Variants in MYLK4 observed in about 807,000 individuals in gnomAD.
MYLK4 encodes caMLCK like.
A neutral mutation model predicts 48.1 loss-of-function variants in MYLK4; 46 were observed. The observed-to-expected ratio is 0.96, with a 90% CI of 0.75 to 1.22. The LOEUF (loss-of-function observed/expected upper bound fraction) is 1.22, where lower values mean the gene tolerates loss of function less well. Among genes scored for constraint, MYLK4 ranks in the 50% most tolerant of loss-of-function variants. The pLI is 0.00. For missense variants in MYLK4, 451 were observed against 486.1 expected (o/e 0.93, Z 0.68); for synonymous variants, 170 against 180.8 (o/e 0.94, Z 0.48).
At chr6:2,675,617 G>A (rs1378361551) in intron 10 of MYLK4, among the ~76,000 whole-genome samples, 1 of 152,072 alleles carries the variant, frequency 6.6e-6, no homozygotes, top group East Asian at 1.9e-4. Context: ...TAATTATTAA[G>A]AGAGGGACCA....
chr6:2,679,478 G>C (rs761608423), intron 8 of MYLK4, 70 bp from the exon 9 acceptor site: 72 of 1,574,900 alleles, frequency 4.6e-5, no homozygotes, highest in Non-Finnish European at 6.0e-5. Context: ...AAATGATGTA[G>C]TCTATGAGAC....
chr6:2,768,880 C>T, the MYLK4 span: 1 of 1,607,500 alleles, frequency 6.2e-7, no homozygotes. Flanking sequence ...TAAATCTCAG[C>T]AGGTATATTA....
chr6:2,762,628 C>T, the MYLK4 span, among the ~76,000 whole-genome samples: 55 of 152,252 alleles, frequency 3.6e-4, no homozygotes, highest in Non-Finnish European at 7.6e-4. Context: ...CTGTGATGCT[C>T]CTGCAATAAT....
At chr6:2,765,604 G>C in the MYLK4 span, 2 of 1,498,474 alleles carry the variant, frequency 1.3e-6, no homozygotes, top group Non-Finnish European at 1.8e-6. Context: ...GCCGGGCGCC[G>C]GGGAGGGCGG....
chr6:2,765,602 CCGGGGAGGGCGG>C, the MYLK4 span: 39 of 1,493,506 alleles, frequency 2.6e-5, no homozygotes, highest in Admixed American at 2.8e-4. Flanking sequence ...GCGCCGGGCG[CCGGGGAGGGCGG>C]CGGCCGCCAT....
chr6:2,675,225 T>C (rs917756683), intron 10 of MYLK4, 100 bp from the exon 11 acceptor site: 1 of 813,522 alleles, frequency 1.2e-6, no homozygotes, highest in Non-Finnish European at 2.1e-6. Context: ...GGAGACCAGA[T>C]GGCCGAATGT....
At chr6:2,729,547 C>G (rs1241200551) in intron 2 of MYLK4, among the ~76,000 whole-genome samples, 1 of 152,158 alleles carries the variant, frequency 6.6e-6, no homozygotes. Flanking sequence ...TATTTTTTCC[C>G]TTAGTTCCCC....
the MYLK4 span, among the ~76,000 whole-genome samples, chr6:2,762,296 G>C: frequency 1.3e-5 from 2 of 152,348 alleles, no homozygotes; most frequent in South Asian, 2.1e-4. Flanking sequence ...CGTAAAATTA[G>C]GTCTATATGC....
the MYLK4 span, chr6:2,765,360 C>G: frequency 3.4e-6 from 1 of 293,628 alleles, no homozygotes; most frequent in African/African-American, 2.2e-5. Flanking sequence ...CCGCGCGAGG[C>G]GCCTCCGCCG....
intron 7 of MYLK4, among the ~76,000 whole-genome samples, chr6:2,681,141 C>A (rs1016073359): frequency 2.0e-5 from 3 of 152,188 alleles, no homozygotes; most frequent in Non-Finnish European, 2.9e-5. Flanking sequence ...ACCCTCAGTC[C>A]CAATTCTTTA....
chr6:2,682,873 A>G lies in MYLK4; in HGVS notation c.687+148T>C, dbSNP rs1761364241. Reference sequence around the variant, plus strand: ...ATATTAGGGAGTGACAGAAGCTGAGAATAAGGAGATGAGGGTAACAATTCA... The same window carrying G: ...ATATTAGGGAGTGACAGAAGCTGAGGATAAGGAGATGAGGGTAACAATTCA... On this transcript the variant is annotated intron_variant, in intron 7 of 12. Transcript: ENST00000274643. 5 of 819,732 alleles carry G rather than the reference A, an allele frequency of 6.1e-6. No homozygotes were observed. The East Asian group carries it at 1.3e-4, about 21-fold the overall frequency. 50.8% of individuals were successfully genotyped at this position (819,732 alleles called of 1,614,324 possible). A position where few individuals can be genotyped will look rare whatever the true frequency, so the allele number is the denominator to read the frequency against.
At chr6:2,713,382 A>G (rs1292770677) in intron 2 of MYLK4, among the ~76,000 whole-genome samples, 1 of 44,390 alleles carries the variant, frequency 2.3e-5, no homozygotes, top group African/African-American at 7.5e-5. Context: ...CTCAAAAAAA[A>G]AAAAAGAAAA....
the MYLK4 span, chr6:2,766,509 G>T: frequency 4.4e-5 from 64 of 1,440,008 alleles, no homozygotes; most frequent in Non-Finnish European, 5.8e-5. Context: ...CTGATGGTCG[G>T]AGAGCCGGGT....
the MYLK4 span, among the ~76,000 whole-genome samples, chr6:2,760,847 A>C: frequency 6.6e-6 from 1 of 152,206 alleles, no homozygotes; most frequent in East Asian, 1.9e-4. Context: ...AACAATACGA[A>C]ATGTGGCATA....
At chr6:2,669,144 TC>T (rs1760781001) in intron 12 of MYLK4, among the ~76,000 whole-genome samples, 1 of 152,174 alleles carries the variant, frequency 6.6e-6, no homozygotes, top group African/African-American at 2.4e-5. Flanking sequence ...AAATGATTCT[TC>T]CTTGGCCTGT....
the MYLK4 span, chr6:2,766,188 G>T: frequency 7.2e-7 from 1 of 1,388,814 alleles, no homozygotes. Flanking sequence ...CCGGGGCACT[G>T]GGACGCGGAC....
At chr6:2,692,656 AT>A in intron 3 of MYLK4, 127 bp downstream of exon 3, 10 of 468,884 alleles carry the variant, frequency 2.1e-5, no homozygotes, top group East Asian at 6.4e-5. Context: ...GGGGGGGGGC[AT>A]TTTTTTATAA....
chr6:2,765,300 T>G, the MYLK4 span: 2 of 183,646 alleles, frequency 1.1e-5, no homozygotes, highest in Non-Finnish European at 2.2e-5. Flanking sequence ...GCGCGAGGTA[T>G]TCTCGGCGGT....
chr6:2,718,498 C>T (rs1174034150), intron 2 of MYLK4, among the ~76,000 whole-genome samples: 1 of 152,184 alleles, frequency 6.6e-6, no homozygotes, highest in Non-Finnish European at 1.5e-5. Flanking sequence ...ACTCTTTGCC[C>T]TTCCATCATC....
Sources: gnomAD v4.1 joint callset for allele counts (sites outside exome capture counted in the v4.1 genomes callset) on GRCh38, gnomAD v4.1.1 for gene constraint, MANE v1.5 for transcripts, NCBI Gene and HGNC (gene_info 2026-07-23, HGNC 2026-07-21) for gene names.